The following KCNIP4 variants were observed in gnomAD, a reference collection of about 807,000 sequenced individuals.
KCNIP4 encodes the protein potassium voltage-gated channel interacting protein 4.
A neutral mutation model predicts 34.0 loss-of-function variants in KCNIP4; 12 were observed. The ratio of observed to expected loss-of-function variants is 0.35; its 90% CI spans 0.23 to 0.57. The LOEUF is 0.57. KCNIP4 is among the 20% of genes least tolerant of loss of function. KCNIP4 has a pLI of 0.83. For missense variants in KCNIP4, 238 were observed against 311.7 expected (o/e 0.76, Z 1.78); for synonymous variants, 124 against 102.2 (o/e 1.21, Z -1.29).
At chr4:21,450,792 A>T (rs116983715) in intron 1 of KCNIP4, among the ~76,000 whole-genome samples, 1 of 152,320 alleles carries the variant, frequency 6.6e-6, no homozygotes, top group East Asian at 1.9e-4. Flanking sequence ...AAGTATTATA[A>T]GAACCAAATA....
chr4:21,026,306 G>A (rs919994718), intron 1 of KCNIP4, among the ~76,000 whole-genome samples: 17 of 152,118 alleles, frequency 1.1e-4, no homozygotes, highest in Non-Finnish European at 2.5e-4. Context: ...TCCAGCTCTC[G>A]TTATTATAGC....
chr4:21,014,009 C>T (rs1410751260), intron 1 of KCNIP4, among the ~76,000 whole-genome samples: 1 of 152,142 alleles, frequency 6.6e-6, no homozygotes, highest in African/African-American at 2.4e-5. Context: ...TTGATGTTCC[C>T]CAGGAATCCA....
At chr4:21,325,487 C>CT (rs1467696570) in intron 1 of KCNIP4, among the ~76,000 whole-genome samples, 1 of 151,628 alleles carries the variant, frequency 6.6e-6, no homozygotes, top group Non-Finnish European at 1.5e-5. Context: ...GGTTTTCTCT[C>CT]TTTTTTGCTT....
At chr4:20,859,489 A>G (rs1315537395) in intron 2 of KCNIP4, among the ~76,000 whole-genome samples, 2 of 152,044 alleles carry the variant, frequency 1.3e-5, no homozygotes, top group Non-Finnish European at 2.9e-5. Context: ...AAACCCAGAC[A>G]CCATTGAGCT....
At chr4:21,173,925 G>A (rs533612922) in intron 1 of KCNIP4, among the ~76,000 whole-genome samples, 1 of 152,284 alleles carries the variant, frequency 6.6e-6, no homozygotes, top group South Asian at 2.1e-4. Flanking sequence ...CTTATGCTAA[G>A]GAGCCTTTCT....
intron 1 of KCNIP4, among the ~76,000 whole-genome samples, chr4:21,281,719 C>A (rs1762786425): frequency 6.6e-6 from 1 of 152,028 alleles, no homozygotes; most frequent in Non-Finnish European, 1.5e-5. Flanking sequence ...TATTGCATTC[C>A]AATTATTTGA....
At chr4:21,876,071 T>C (rs1726092269) in intron 1 of KCNIP4, among the ~76,000 whole-genome samples, 1 of 152,018 alleles carries the variant, frequency 6.6e-6, no homozygotes, top group Non-Finnish European at 1.5e-5. Context: ...TGCTTTCCAA[T>C]GAATAAAAGA....
chr4:21,061,729 C>A (rs941019245), intron 1 of KCNIP4, among the ~76,000 whole-genome samples: 2 of 152,116 alleles, frequency 1.3e-5, no homozygotes, highest in Admixed American at 6.6e-5. Context: ...CCAAATTGTG[C>A]CCCTTGAAAT....
At chr4:21,651,590 T>C (rs942664095) in intron 1 of KCNIP4, among the ~76,000 whole-genome samples, 3 of 152,194 alleles carry the variant, frequency 2.0e-5, no homozygotes, top group Non-Finnish European at 2.9e-5. Context: ...TAAAGCCAAT[T>C]ATGAAATATG....
chr4:20,808,629 G>T (rs1184205110), intron 3 of KCNIP4, among the ~76,000 whole-genome samples: 3 of 152,166 alleles, frequency 2.0e-5, no homozygotes, highest in Non-Finnish European at 2.9e-5. Flanking sequence ...AAATTGGGAT[G>T]CCCAGAGCCC....
chr4:21,240,762 C>T (rs985255476), intron 1 of KCNIP4, among the ~76,000 whole-genome samples: 5 of 152,176 alleles, frequency 3.3e-5, no homozygotes, highest in African/African-American at 1.2e-4. Context: ...AAGTACCTTC[C>T]CCAGCATTTC....
chr4:21,001,686 C>A (rs368957136), intron 1 of KCNIP4, among the ~76,000 whole-genome samples: 3 of 152,288 alleles, frequency 2.0e-5, no homozygotes, highest in East Asian at 3.9e-4. Flanking sequence ...AGAGTCCTCA[C>A]ATATATTATC....
At chr4:21,337,120 G>C (rs1025272189) in intron 1 of KCNIP4, among the ~76,000 whole-genome samples, 3 of 146,652 alleles carry the variant, frequency 2.0e-5, no homozygotes, top group African/African-American at 8.3e-5. Flanking sequence ...CAAGGATATG[G>C]AGAGAGGCAA....
chr4:21,374,465 T>C (rs1003582845), intron 1 of KCNIP4, among the ~76,000 whole-genome samples: 8 of 147,074 alleles, frequency 5.4e-5, no homozygotes, highest in Admixed American at 3.3e-4. Context: ...GATTCAGTTA[T>C]CTTCCACCAG....
intron 1 of KCNIP4, among the ~76,000 whole-genome samples, chr4:21,066,170 T>C (rs1360372789): frequency 6.6e-6 from 1 of 152,132 alleles, no homozygotes; most frequent in Non-Finnish European, 1.5e-5. Flanking sequence ...TACAGTATTC[T>C]TCTTATTGTG....
chr4:21,763,749 C>T (rs1196036556), intron 1 of KCNIP4, among the ~76,000 whole-genome samples: 1 of 152,120 alleles, frequency 6.6e-6, no homozygotes, highest in Non-Finnish European at 1.5e-5. Flanking sequence ...ACTGTATATG[C>T]TAAATTTTTC....
intron 1 of KCNIP4, among the ~76,000 whole-genome samples, chr4:21,612,147 G>T (rs1460309324): frequency 6.6e-6 from 1 of 152,008 alleles, no homozygotes; most frequent in East Asian, 1.9e-4. Context: ...AAAAAAGATT[G>T]ATTTTTTTTA....
intron 1 of KCNIP4, among the ~76,000 whole-genome samples, chr4:21,188,232 G>A (rs757550809): frequency 6.6e-6 from 1 of 152,134 alleles, no homozygotes; most frequent in African/African-American, 2.4e-5. Context: ...TGTTATAAAG[G>A]AGGACAGTTT....
At chr4:21,611,975 A>C (rs1503995) in intron 1 of KCNIP4, among the ~76,000 whole-genome samples, 73,614 of 151,952 alleles carry the variant, frequency 0.48, 18,157 homozygotes, top group East Asian at 0.73. Context: ...TCAATGATTT[A>C]ACTTTTTCTT....
Sources: allele counts gnomAD v4.1 joint callset (sites outside exome capture counted in the v4.1 genomes callset), GRCh38; gene constraint gnomAD v4.1.1; transcripts MANE v1.5; gene names NCBI Gene and HGNC (gene_info 2026-07-23, HGNC 2026-07-21).